PDE4D: variants seen among roughly 807,000 people sequenced by gnomAD.
PDE4D encodes phosphodiesterase 4D.
In PDE4D, 24 loss-of-function variants were observed where a neutral mutation model predicts 87.4. The ratio of observed to expected loss-of-function variants is 0.27; its 90% CI spans 0.20 to 0.39. The LOEUF (loss-of-function observed/expected upper bound fraction) is 0.39, where lower values mean the gene tolerates loss of function less well. PDE4D is among the 10% of genes least tolerant of loss of function. The probability of loss-of-function intolerance (pLI) is 1.00; values close to 1 mark genes in which losing one functional copy is unlikely to be tolerated. For missense variants in PDE4D, 714 were observed against 1,041.0 expected, an observed-to-expected ratio of 0.69 and a Z score of 4.32; for synonymous variants, 384 against 383.2, an observed-to-expected ratio of 1.00 and a Z score of -0.02.
At chr5:59,985,324 G>A (rs72501340) in intron 3 of PDE4D, among the ~76,000 whole-genome samples, 53,464 of 150,320 alleles carry the variant, frequency 0.36, 11,048 homozygotes, top group East Asian at 0.73. Flanking sequence ...TGTATTTTTC[G>A]TACAGACTGG....
At chr5:59,041,993 A>T (rs895634952) in intron 5 of PDE4D, among the ~76,000 whole-genome samples, 1 of 152,216 alleles carries the variant, frequency 6.6e-6, no homozygotes. Context: ...GCCACTTTTG[A>T]CAGACAGGAT....
At chr5:59,695,002 G>C (rs1471526507) in intron 1 of PDE4D, among the ~76,000 whole-genome samples, 1 of 152,098 alleles carries the variant, frequency 6.6e-6, no homozygotes, top group African/African-American at 2.4e-5. Flanking sequence ...CTTTCAAATT[G>C]TATTAAAGTC....
At chr5:59,253,330 A>G (rs1383208754) in intron 1 of PDE4D, among the ~76,000 whole-genome samples, 4 of 152,166 alleles carry the variant, frequency 2.6e-5, no homozygotes, top group African/African-American at 7.2e-5. Context: ...ATCTTTATAT[A>G]TAAACAAAAT....
rs575176995 is a variant in PDE4D, at chr5:59,993,320, T to C, written c.43-4603A>G. 8.5e-5 allele frequency among the ~76,000 whole-genome samples: 13 copies of C among 152,300 alleles called. No individual in the cohort carries two copies. The South Asian group carries it at 2.7e-3, about 32-fold the overall frequency. The stretch of plus-strand genomic sequence containing the variant: ...TAGTTTAATAAAACTGTTTGGCAAA[T>C]ATCCAGGCACAAAGATGTTCACTGC... On this transcript the variant is annotated intron_variant, in intron 2 of 16. Coordinates refer to the PDE4D transcript ENST00000502484.
chr5:59,356,793 T>A, intron 1 of PDE4D: 1 of 1,571,236 alleles, frequency 6.4e-7, no homozygotes, highest in Non-Finnish European at 8.5e-7. Flanking sequence ...TTGATTTGGC[T>A]CTTGTAGATG....
At chr5:59,366,138 T>TA (rs758470295) in intron 1 of PDE4D, among the ~76,000 whole-genome samples, 11 of 151,978 alleles carry the variant, frequency 7.2e-5, no homozygotes, top group Non-Finnish European at 1.2e-4. Context: ...AACAGTGACA[T>TA]TTAAGAAACT....
chr5:59,636,549 A>T (rs966858406), intron 1 of PDE4D, among the ~76,000 whole-genome samples: 1 of 152,212 alleles, frequency 6.6e-6, no homozygotes, highest in Non-Finnish European at 1.5e-5. Context: ...CTGGTACCAA[A>T]ACAGGTATAT....
At chr5:59,523,671 T>A (rs1432818082) in intron 1 of PDE4D, among the ~76,000 whole-genome samples, 1 of 152,248 alleles carries the variant, frequency 6.6e-6, no homozygotes, top group Non-Finnish European at 1.5e-5. Flanking sequence ...ACACTTCCTT[T>A]TGTCAAAGCA....
intron 1 of PDE4D, among the ~76,000 whole-genome samples, chr5:59,634,487 T>TA (rs1192720291): frequency 6.6e-6 from 1 of 152,150 alleles, no homozygotes; most frequent in East Asian, 1.9e-4. Context: ...TAATTGGAAA[T>TA]AAAACACTCC....
intron 2 of PDE4D, among the ~76,000 whole-genome samples, chr5:60,083,091 C>T (rs551886609): frequency 1.9e-3 from 293 of 152,288 alleles, no homozygotes; most frequent in African/African-American, 6.7e-3. Context: ...CTGATTGAGT[C>T]ATGTCCGTCC....
chr5:60,293,790 G>A (rs916080266), intron 1 of PDE4D, among the ~76,000 whole-genome samples: 4 of 151,980 alleles, frequency 2.6e-5, no homozygotes, highest in African/African-American at 7.2e-5. Flanking sequence ...TTTTTGTTGC[G>A]GAGTAATACT....
intron 1 of PDE4D, among the ~76,000 whole-genome samples, chr5:60,341,037 A>G (rs1758268532): frequency 1.3e-5 from 2 of 152,206 alleles, no homozygotes; most frequent in Admixed American, 1.3e-4. Flanking sequence ...AAGTAATGCA[A>G]AATGGAAGTC....
intron 1 of PDE4D, among the ~76,000 whole-genome samples, chr5:59,269,789 G>A (rs1469061057): frequency 2.6e-5 from 4 of 151,614 alleles, no homozygotes; most frequent in African/African-American, 9.7e-5. Context: ...TCTATATATT[G>A]AATTTATATA....
At chr5:59,914,957 G>C (rs1753881784) in intron 3 of PDE4D, among the ~76,000 whole-genome samples, 1 of 149,962 alleles carries the variant, frequency 6.7e-6, no homozygotes, top group South Asian at 2.1e-4. Context: ...AAGATGTTTG[G>C]TCTTAGCAAC....
intron 1 of PDE4D, among the ~76,000 whole-genome samples, chr5:60,330,167 T>A (rs989059782): frequency 1.3e-5 from 2 of 151,904 alleles, no homozygotes; most frequent in African/African-American, 4.9e-5. Flanking sequence ...ATCTGATACC[T>A]TAATGCTAGA....
At chr5:60,416,775 G>A (rs1326091599) in intron 1 of PDE4D, among the ~76,000 whole-genome samples, 3 of 152,204 alleles carry the variant, frequency 2.0e-5, no homozygotes, top group African/African-American at 7.2e-5. Context: ...CCAAGACTCT[G>A]GGGCTTTAGA....
chr5:59,428,393 T>C (rs1410440156), intron 1 of PDE4D, among the ~76,000 whole-genome samples: 1 of 152,134 alleles, frequency 6.6e-6, no homozygotes, highest in Non-Finnish European at 1.5e-5. Flanking sequence ...TACTCTTCTT[T>C]AGATGTCTTT....
intron 1 of PDE4D, among the ~76,000 whole-genome samples, chr5:60,326,248 C>A (rs994501743): frequency 6.6e-6 from 1 of 152,108 alleles, no homozygotes; most frequent in African/African-American, 2.4e-5. Context: ...CTGCCAAACT[C>A]TTTTCCAGAG....
In PDE4D at chr5:60,389,403, A is replaced by G. The variant is rs574149870; in HGVS notation, c.-90+98539T>C. Among the ~76,000 whole-genome samples, 33 of 152,332 alleles carry G rather than the reference A, an allele frequency of 2.2e-4. No homozygotes were observed. The South Asian group carries it at 6.6e-3, about 31-fold the overall frequency. ...AAAAAATTTTAATCATATGATTTAT[A>G]TTTTATATACTTGAATAACAAAGCA... On this transcript the variant is annotated intron_variant, in intron 1 of 16. Coordinates refer to the PDE4D transcript ENST00000502484.
Sources: gnomAD v4.1 joint callset for allele counts (sites outside exome capture counted in the v4.1 genomes callset) on GRCh38, gnomAD v4.1.1 for gene constraint, MANE v1.5 for transcripts, NCBI Gene and HGNC (gene_info 2026-07-23, HGNC 2026-07-21) for gene names.